RBMS3: variants seen among roughly 807,000 people sequenced by gnomAD.
RBMS3 encodes RNA-binding motif, single-stranded-interacting protein 3.
In RBMS3, 27 loss-of-function variants were observed where a neutral mutation model predicts 66.8. The ratio of observed to expected loss-of-function variants is 0.40; its 90% CI spans 0.30 to 0.56. The LOEUF (loss-of-function observed/expected upper bound fraction) is 0.56. Ranked by LOEUF, RBMS3 falls within the 20% of genes least tolerant of loss-of-function variation. The pLI is 0.40. For missense variants in RBMS3, 513 were observed against 549.5 expected (o/e 0.93, Z 0.66); for synonymous variants, 188 against 183.0 (o/e 1.03, Z -0.22).
intron 14 of RBMS3, among the ~76,000 whole-genome samples, chr3:30,003,161 G>A (rs1299155892): frequency 6.6e-6 from 1 of 152,000 alleles, no homozygotes; most frequent in African/African-American, 2.4e-5. Context: ...TAAGAGTAAA[G>A]TCATCCTGCT....
At chr3:29,897,678 A>G (rs2060157384) in intron 9 of RBMS3, among the ~76,000 whole-genome samples, 1 of 151,638 alleles carries the variant, frequency 6.6e-6, no homozygotes, top group South Asian at 2.1e-4. Flanking sequence ...AAAATCCACT[A>G]TGCTTTTCAT....
At chr3:29,612,911 A>G (rs1010710012) in intron 4 of RBMS3, among the ~76,000 whole-genome samples, 6 of 152,252 alleles carry the variant, frequency 3.9e-5, no homozygotes, top group Non-Finnish European at 8.8e-5. Context: ...TTGCATAGGT[A>G]TCATATTAGT....
At chr3:29,495,670 G>A (rs952560709) in intron 3 of RBMS3, among the ~76,000 whole-genome samples, 3 of 151,652 alleles carry the variant, frequency 2.0e-5, no homozygotes, top group South Asian at 2.1e-4. Context: ...CACTTGCCTC[G>A]GCCTCCCAAA....
chr3:29,890,297 G>T (rs934924238), intron 8 of RBMS3, among the ~76,000 whole-genome samples: 2 of 151,596 alleles, frequency 1.3e-5, no homozygotes, highest in Non-Finnish European at 1.5e-5. Flanking sequence ...TGTGGAAGCT[G>T]ATTTAAACAA....
At chr3:29,388,211 C>T (rs190376892) in intron 1 of RBMS3, among the ~76,000 whole-genome samples, 5 of 152,300 alleles carry the variant, frequency 3.3e-5, no homozygotes, top group Admixed American at 6.5e-5. Flanking sequence ...TTATTTATCT[C>T]CATATTCTAA....
intron 3 of RBMS3, among the ~76,000 whole-genome samples, chr3:29,542,661 C>T (rs2045809401): frequency 6.6e-6 from 1 of 152,066 alleles, no homozygotes. Flanking sequence ...ACGCCCAGCC[C>T]ATCCCCAATT....
chr3:29,995,293 G>A (rs1444087473), intron 14 of RBMS3, among the ~76,000 whole-genome samples: 2 of 152,194 alleles, frequency 1.3e-5, no homozygotes, highest in Non-Finnish European at 2.9e-5. Flanking sequence ...TCTGATTGGT[G>A]TACCTGAAAG....
At chr3:29,928,380 TA>T (rs1323545984) in intron 10 of RBMS3, among the ~76,000 whole-genome samples, 2 of 150,692 alleles carry the variant, frequency 1.3e-5, no homozygotes, top group East Asian at 3.9e-4. Context: ...AAAAAAAGTA[TA>T]GAAGGAGCTG....
At chr3:29,777,795 C>T (rs1012063109) in intron 6 of RBMS3, among the ~76,000 whole-genome samples, 11 of 151,764 alleles carry the variant, frequency 7.2e-5, no homozygotes, top group Admixed American at 7.2e-4. Context: ...TCTACAACAA[C>T]AATTAGATTT....
chr3:29,478,940 G>C (rs778238282), intron 2 of RBMS3, among the ~76,000 whole-genome samples: 5 of 152,092 alleles, frequency 3.3e-5, no homozygotes, highest in African/African-American at 1.2e-4. Flanking sequence ...CGTTTTAAAG[G>C]ACTAGTCATG....
intron 1 of RBMS3, among the ~76,000 whole-genome samples, chr3:29,389,846 G>A (rs1396694851): frequency 6.6e-6 from 1 of 152,096 alleles, no homozygotes; most frequent in African/African-American, 2.4e-5. Flanking sequence ...TCAGCTTTGG[G>A]GCCGTTGAGT....
intron 1 of RBMS3, among the ~76,000 whole-genome samples, chr3:29,423,104 A>C (rs2040814775): frequency 6.6e-6 from 1 of 152,190 alleles, no homozygotes; most frequent in Non-Finnish European, 1.5e-5. Flanking sequence ...AATTGGTAGC[A>C]TGTGTGTTAC....
At chr3:29,480,905 G>A (rs546786130) in intron 2 of RBMS3, among the ~76,000 whole-genome samples, 1 of 152,278 alleles carries the variant, frequency 6.6e-6, no homozygotes, top group East Asian at 1.9e-4. Context: ...ATACCAATTG[G>A]GGAGAAAAGG....
At chr3:29,922,060 C>A (rs2060796552) in intron 10 of RBMS3, among the ~76,000 whole-genome samples, 1 of 152,192 alleles carries the variant, frequency 6.6e-6, no homozygotes, top group Non-Finnish European at 1.5e-5. Flanking sequence ...AATGACATGG[C>A]ATCTCCAATA....
chr3:29,995,791 C>T (rs201583025), intron 14 of RBMS3, among the ~76,000 whole-genome samples: 4,135 of 152,100 alleles, frequency 0.027, 202 homozygotes, highest in East Asian at 0.16. Context: ...AAGGAACAAC[C>T]GGTACCAGCC....
At chr3:29,922,154 G>A (rs1245454315) in intron 10 of RBMS3, among the ~76,000 whole-genome samples, 2 of 152,194 alleles carry the variant, frequency 1.3e-5, no homozygotes, top group Non-Finnish European at 2.9e-5. Flanking sequence ...GCTTGTTAAA[G>A]TTATTTAACT....
chr3:29,887,867 A>C (rs377333057), intron 8 of RBMS3, among the ~76,000 whole-genome samples: 25 of 151,952 alleles, frequency 1.6e-4, no homozygotes, highest in Non-Finnish European at 2.2e-4. Context: ...TAATTTCCCA[A>C]ATACTCACCC....
At position 29,295,604 on chromosome 3, in the gene RBMS3, T is replaced by C. The variant is rs188603941; in HGVS notation, c.75+13848T>C. Among the ~76,000 whole-genome samples the C allele has an allele frequency of 6.2e-4, 94 of 151,504 alleles. 2 individuals carry two copies. The South Asian group carries it at 0.019, about 30-fold the overall frequency. On this transcript the variant is annotated intron_variant, in intron 1 of 14. Coordinates refer to ENST00000383767, the MANE Select transcript of RBMS3 (RefSeq NM_001003793.3). ...CTCTTGCAAATAGCAATCTGACATA[T>C]GTTATATGAGATCAAATTGAACAGG...
chr3:29,509,896 G>A lies in RBMS3; in HGVS notation c.307+21397G>A, dbSNP rs566941410. On this transcript the variant is annotated intron_variant, in intron 3 of 14. Transcript: ENST00000383767. ...CTCATGCTTAGCACATGCTTTGCACGTGAAGTAGTTGTCCAATGCATGTCT... is the reference window on the plus strand; with the variant it reads ...CTCATGCTTAGCACATGCTTTGCACATGAAGTAGTTGTCCAATGCATGTCT... 2.4e-4 allele frequency among the ~76,000 whole-genome samples: 36 copies of A among 152,338 alleles called. 1 individual carries two copies. The highest frequency in any genetic ancestry group is 1.9e-3 in the South Asian group (9 of 4,834).
Sources: allele counts gnomAD v4.1 joint callset (sites outside exome capture counted in the v4.1 genomes callset), GRCh38; gene constraint gnomAD v4.1.1; transcripts MANE v1.5; gene names NCBI Gene and HGNC (gene_info 2026-07-23, HGNC 2026-07-21).